CYRIB: variants seen among roughly 807,000 people sequenced by gnomAD.
The protein encoded by CYRIB is CYFIP-related Rac1 interactor B.
CYRIB carries 8 observed loss-of-function variants against 44.2 expected under a neutral mutation model. That is an observed-to-expected ratio of 0.18 (90% CI 0.11 to 0.33). The LOEUF (loss-of-function observed/expected upper bound fraction) is 0.33, where lower values mean the gene tolerates loss of function less well. CYRIB is among the 10% of genes least tolerant of loss of function. The pLI is 1.00. For missense variants in CYRIB, 185 were observed against 382.8 expected, an observed-to-expected ratio of 0.48 and a Z score of 4.31; for synonymous variants, 131 against 127.2, an observed-to-expected ratio of 1.03 and a Z score of -0.20.
At chr8:129,937,687 C>T (rs1037600335) in intron 1 of CYRIB, among the ~76,000 whole-genome samples, 7 of 152,200 alleles carry the variant, frequency 4.6e-5, no homozygotes, top group African/African-American at 1.7e-4. Context: ...AACCACGCCT[C>T]CCTCTGATCA....
At chr8:129,899,327 C>A (rs1479765565) in intron 2 of CYRIB, among the ~76,000 whole-genome samples, 1 of 152,058 alleles carries the variant, frequency 6.6e-6, no homozygotes, top group Non-Finnish European at 1.5e-5. Flanking sequence ...TTTGCAAAAG[C>A]TGGTTTGTTT....
chr8:129,923,953 A>G (rs569750713), intron 1 of CYRIB, among the ~76,000 whole-genome samples: 337 of 150,968 alleles, frequency 2.2e-3, no homozygotes, highest in Non-Finnish European at 3.9e-3. Flanking sequence ...TTTTACAAAA[A>G]GTAAATGAGG....
chr8:129,951,494 C>A (rs1564364964), intron 2 of CYRIB, among the ~76,000 whole-genome samples: 1 of 151,934 alleles, frequency 6.6e-6, no homozygotes, highest in Non-Finnish European at 1.5e-5. Flanking sequence ...ATCATGAGGT[C>A]AGGAGTTCGA....
chr8:130,016,512 AG>A, upstream of CYRIB: 1 of 140,216 alleles, frequency 7.1e-6, no homozygotes, highest in Non-Finnish European at 1.6e-5. Context: ...CCGCGGCGGC[AG>A]CAGCAGCAGC....
At chr8:129,852,427 T>A in intron 7 of CYRIB, 149 bp from the exon 10 acceptor site, 1 of 405,272 alleles carries the variant, frequency 2.5e-6, no homozygotes. Context: ...TAAAAAAAAG[T>A]TATTTTTTTT....
intron 5 of CYRIB, among the ~76,000 whole-genome samples, chr8:129,859,487 C>T (rs905305501): frequency 6.6e-6 from 1 of 152,082 alleles, no homozygotes; most frequent in Non-Finnish European, 1.5e-5. Flanking sequence ...GGGAGACTCC[C>T]TTTCCCAGTC....
rs185110710 is a variant in CYRIB, at chr8:129,926,060, G to T, written c.-50+13548C>A. 2.6e-5 allele frequency among the ~76,000 whole-genome samples: 4 copies of T among 152,288 alleles called. No individual in the cohort carries two copies. The East Asian group carries it at 7.7e-4, about 29-fold the overall frequency. ...TGGCTCTCTTTTGAACACCCACATG[G>T]TGTCCTTAAAACTCACTTTAGAAAT... On this transcript the variant is annotated intron_variant, in intron 1 of 11. Transcript: ENST00000519824.
chr8:129,949,665 C>T (rs1316192301), intron 2 of CYRIB, among the ~76,000 whole-genome samples: 1 of 151,404 alleles, frequency 6.6e-6, no homozygotes, highest in African/African-American at 2.4e-5. Flanking sequence ...GTCGGGAGTT[C>T]GAGACCAGCC....
chr8:129,901,174 G>A (rs1217735332), intron 2 of CYRIB, among the ~76,000 whole-genome samples: 1 of 152,120 alleles, frequency 6.6e-6, no homozygotes, highest in East Asian at 1.9e-4. Context: ...CCAGCAAATA[G>A]AAGCTTCTTC....
chr8:129,962,640 G>GA, intron 2 of CYRIB, among the ~76,000 whole-genome samples: 1 of 152,044 alleles, frequency 6.6e-6, no homozygotes, highest in South Asian at 2.1e-4. Flanking sequence ...CTAATTTAAT[G>GA]GTATCCTTAA....
intron 1 of CYRIB, among the ~76,000 whole-genome samples, chr8:129,932,038 G>A (rs1370247995): frequency 5.0e-5 from 6 of 120,550 alleles, no homozygotes; most frequent in African/African-American, 1.9e-4. Flanking sequence ...CACTCTGGTT[G>A]CCCAGGCTGG....
At chr8:129,939,265 G>C (rs894750023) in intron 1 of CYRIB, among the ~76,000 whole-genome samples, 1 of 151,678 alleles carries the variant, frequency 6.6e-6, no homozygotes, top group South Asian at 2.1e-4. Flanking sequence ...ACGCCGACAC[G>C]GGAAGGGACG....
At chr8:129,935,194 T>C (rs543523028) in intron 1 of CYRIB, among the ~76,000 whole-genome samples, 1 of 152,324 alleles carries the variant, frequency 6.6e-6, no homozygotes, top group Admixed American at 6.5e-5. Context: ...TTAGCAAGTG[T>C]TTTCTGAAAA....
chr8:129,891,878 A>C (rs892724855), intron 2 of CYRIB, among the ~76,000 whole-genome samples: 9 of 152,114 alleles, frequency 5.9e-5, no homozygotes, highest in Non-Finnish European at 5.9e-5. Flanking sequence ...TATTTCACCT[A>C]TTTCTGTTGG....
intron 1 of CYRIB, among the ~76,000 whole-genome samples, chr8:129,914,481 A>G (rs2079690922): frequency 6.6e-6 from 1 of 152,188 alleles, no homozygotes; most frequent in Non-Finnish European, 1.5e-5. Context: ...TAATGGATAA[A>G]ATGTTTGAAG....
chr8:129,886,949 TTC>T (rs2063010989), intron 2 of CYRIB, among the ~76,000 whole-genome samples: 1 of 152,132 alleles, frequency 6.6e-6, no homozygotes, highest in African/African-American at 2.4e-5. Flanking sequence ...AAATCATCCT[TTC>T]TCTGCTCAAA....
At chr8:129,938,088 C>T (rs1402993821) in intron 1 of CYRIB, among the ~76,000 whole-genome samples, 5 of 151,868 alleles carry the variant, frequency 3.3e-5, no homozygotes, top group African/African-American at 1.2e-4. Flanking sequence ...GACTAAGAGC[C>T]TCTCGTTCGT....
chr8:129,998,795 C>A (rs2096840637), intron 1 of CYRIB, among the ~76,000 whole-genome samples: 1 of 152,166 alleles, frequency 6.6e-6, no homozygotes, highest in Non-Finnish European at 1.5e-5. Context: ...CCCCACCCGG[C>A]TAATTTTTGG....
rs111356239 is a variant in CYRIB, at chr8:129,918,690, T to C, written c.-49-15340A>G. 3.7e-3 allele frequency among the ~76,000 whole-genome samples: 565 copies of C among 152,322 alleles called. 7 individuals are homozygous for C. Among genetic ancestry groups the C allele is most frequent in the African/African-American group, 0.013 (533 of 41,560 alleles). ...CAAAGTGGCTACCACAGGCTGTTCATTGTTATCATACTCTGCTCTGCACTA... is the reference window on the plus strand; with the variant it reads ...CAAAGTGGCTACCACAGGCTGTTCACTGTTATCATACTCTGCTCTGCACTA... On this transcript the variant is annotated intron_variant, in intron 1 of 11. Transcript: ENST00000519824.
Sources: allele counts gnomAD v4.1 joint callset (sites outside exome capture counted in the v4.1 genomes callset), GRCh38; gene constraint gnomAD v4.1.1; transcripts MANE v1.5; gene names NCBI Gene and HGNC (gene_info 2026-07-23, HGNC 2026-07-21).